The following APEH variants were observed in gnomAD, a reference collection of about 807,000 sequenced individuals.
The protein encoded by APEH is acylamino-acid-releasing enzyme.
Under a neutral mutation model 102.7 loss-of-function variants are expected in APEH, and 75 were observed. The observed-to-expected ratio is 0.73, with a 90% CI of 0.61 to 0.89. The LOEUF is 0.89. Ranked by LOEUF, APEH falls within the 40% of genes least tolerant of loss-of-function variation. APEH has a pLI of 0.00. For missense variants in APEH, 863 were observed against 941.2 expected (o/e 0.92, Z 1.09); for synonymous variants, 344 against 362.7 (o/e 0.95, Z 0.59).
At chr3:49,676,546 A>G in intron 7 of APEH, 31 bp downstream of exon 7, 4 of 1,614,230 alleles carry the variant, frequency 2.5e-6, no homozygotes, top group Non-Finnish European at 3.4e-6. Context: ...TCCCCCCTGG[A>G]GTCTGGGACC....
rs1031705516 is a variant in APEH, at chr3:49,679,730, G to A, written c.1210+86G>A. On this transcript the variant is annotated intron_variant, in intron 13 of 21. Coordinates refer to ENST00000296456, the MANE Select transcript of APEH (RefSeq NM_001640.4). The surrounding 1 kb of genome is among the most constrained non-coding windows in gnomAD (Gnocchi z 4.3). ...CGGGGGACTGGAGCTCCAACATGTGGGGCAGTGATGGCATTCTCAGCCACT... is the reference window on the plus strand; with the variant it reads ...CGGGGGACTGGAGCTCCAACATGTGAGGCAGTGATGGCATTCTCAGCCACT... 6.4e-5 allele frequency: 88 copies of A among 1,366,378 alleles called. No homozygotes were observed. The highest frequency in any genetic ancestry group is 8.7e-5 in the Non-Finnish European group (84 of 961,862). 84.6% of individuals were successfully genotyped at this position (1,366,378 alleles called of 1,614,324 possible). A position where few individuals can be genotyped will look rare whatever the true frequency, so the allele number is the denominator to read the frequency against.
At chr3:49,682,487 G>C in intron 18 of APEH, 51 bp downstream of exon 18, 2 of 1,612,442 alleles carry the variant, frequency 1.2e-6, no homozygotes, top group Non-Finnish European at 1.7e-6. Flanking sequence ...CTGCCAGGGG[G>C]ATGCCTCCAT....
Position 49,682,391 on chromosome 3 carries a change from C to T in APEH, c.1647C>T (p.Leu549=). 1 of 1,613,966 alleles carries T rather than the reference C, an allele frequency of 6.2e-7. No individual in the cohort carries two copies. The highest frequency in any genetic ancestry group is 2.2e-5 in the East Asian group (1 of 44,890). ...GSTGFGQDSI[L]SLPGNVGHQD... ...CGGGCTTTGGCCAGGACAGCATCCT[C>T]TCCCTCCCAGGCAATGTGGGCCACC... The change falls in exon 18 of 22, where the codon CTC becomes CTT. Residue 549 remains leucine, a synonymous_variant. Transcript: ENST00000296456.
chr3:49,678,134 G>A (rs532824704), intron 11 of APEH, among the ~76,000 whole-genome samples: 9 of 152,168 alleles, frequency 5.9e-5, no homozygotes, highest in African/African-American at 9.7e-5. Flanking sequence ...TGGCTGAGAG[G>A]CTCCCGTCTC....
upstream of APEH, among the ~76,000 whole-genome samples, chr3:49,673,700 G>C (rs1450202073): frequency 6.6e-6 from 1 of 152,160 alleles, no homozygotes; most frequent in Non-Finnish European, 1.5e-5. Flanking sequence ...GCACTGTGTA[G>C]TGAATGTCGG....
Position 49,683,053 on chromosome 3 carries a change from T to C in APEH, c.2000T>C (p.Leu667Pro), listed in dbSNP as rs1363457244. ...IRYIPQVKTP[L>P]LLMLGQEDRR... ...CCAAACACCCAGGTGAAGACACCAC[T>C]GTTACTGATGTTGGGCCAGGAGGAC... Residue 667 changes from leucine to proline, a missense_variant, in exon 21 of 22, where the codon CTG becomes CCG. Physicochemically the swap from Leu to Pro is moderately conservative, Grantham distance 98. Coordinates refer to ENST00000296456, the MANE Select transcript of APEH (RefSeq NM_001640.4). 1.2e-6 allele frequency: 2 copies of C among 1,613,990 alleles called. No homozygotes were observed. Among genetic ancestry groups the C allele is most frequent in the Non-Finnish European group, 8.5e-7 (1 of 1,179,998 alleles).
intron 3 of APEH, 75 bp from the exon 4 acceptor site, chr3:49,675,619 A>G: frequency 7.1e-7 from 1 of 1,400,706 alleles, no homozygotes. Flanking sequence ...AATCTCTCCT[A>G]AGAGGTGTGC....
intron 15 of APEH, 75 bp from the exon 16 acceptor site, chr3:49,681,647 C>G: frequency 7.5e-7 from 1 of 1,329,668 alleles, no homozygotes; most frequent in Non-Finnish European, 1.0e-6. Flanking sequence ...CAGCCCCACA[C>G]CTGCAGCTAG....
chr3:49,682,257 C>A, intron 17 of APEH, 91 bp from the exon 18 acceptor site: 1 of 1,317,676 alleles, frequency 7.6e-7, no homozygotes, highest in Non-Finnish European at 1.1e-6. Context: ...TATAGCTGGC[C>A]CCAGGGCCTA....
intron 2 of APEH, 89 bp from the exon 3 acceptor site, chr3:49,675,094 G>A: frequency 6.4e-7 from 1 of 1,551,980 alleles, no homozygotes; most frequent in South Asian, 1.2e-5. Context: ...GGGGAAGATA[G>A]ATCTAGGCCT....
At chr3:49,674,067 C>CA (rs2052894536), upstream of APEH, 1 of 439,172 alleles carries the variant, frequency 2.3e-6, no homozygotes, top group Non-Finnish European at 4.1e-6. Context: ...TCCGCTTCCA[C>CA]AGGGCCGCCC....
chr3:49,681,144 T>C lies in APEH; in HGVS notation c.1343T>C (p.Leu448Ser). 1 of 1,609,814 alleles carries C rather than the reference T, an allele frequency of 6.2e-7. No individual in the cohort carries two copies. Among genetic ancestry groups the C allele is most frequent in the Non-Finnish European group, 8.5e-7 (1 of 1,177,816 alleles). ...TCTGCAGGGAAGGAGCAGTCAGTGT[T>C]GTGGGTGTCCCTGGAGGAGGCCGAG... ...LPSAGKEQSV[L>S]WVSLEEAEPI... is the part of the protein sequence containing the mutation. Residue 448 changes from leucine to serine, a missense_variant, in exon 15 of 22, where the codon TTG (leucine) becomes TCG (serine). Coordinates refer to ENST00000296456, the MANE Select transcript of APEH (RefSeq NM_001640.4).
upstream of APEH, among the ~76,000 whole-genome samples, chr3:49,673,792 AACCCTC>A (rs1559626240): frequency 9.6e-6 from 1 of 103,638 alleles, no homozygotes; most frequent in Non-Finnish European, 2.0e-5. Context: ...CGCCCCGCCC[AACCCTC>A]ACCCTCACGC....
Position 49,683,931 on chromosome 3 carries a change from G to A in APEH, c.*589G>A. 6.6e-7 allele frequency: 1 copy of A among 1,522,678 alleles called. No homozygotes were observed. Among genetic ancestry groups the A allele is most frequent in the South Asian group, 1.3e-5 (1 of 76,046 alleles). 94.3% of individuals were successfully genotyped at this position (1,522,678 alleles called of 1,614,324 possible). A position where few individuals can be genotyped will look rare whatever the true frequency, so the allele number is the denominator to read the frequency against. On this transcript the variant is annotated 3_prime_UTR_variant, in exon 22 of 22. Transcript: ENST00000296456. Reference sequence around the variant, plus strand: ...CACTGACACATTTCCTGGAAGCAAAGGCTAAGAAGCATCTGTACAGGCATA... The same window carrying A: ...CACTGACACATTTCCTGGAAGCAAAAGCTAAGAAGCATCTGTACAGGCATA...
chr3:49,683,541 C>T lies in APEH; in HGVS notation c.*199C>T. ...CTGGTACTTTGTACCAAACCATCCC[C>T]AACCCCACCTCCCACTCTGGGGTGC... On this transcript the variant is annotated 3_prime_UTR_variant, in exon 22 of 22. Transcript: ENST00000296456. 1 of 575,484 alleles carries T rather than the reference C, an allele frequency of 1.7e-6. No individual in the cohort carries two copies. The highest frequency in any genetic ancestry group is 3.1e-6 in the Non-Finnish European group (1 of 323,388). The allele number at this position is 575,484 out of a possible 1,614,324, so 35.6% of individuals were successfully genotyped here. A position where few individuals can be genotyped will look rare whatever the true frequency, so the allele number is the denominator to read the frequency against.
intron 13 of APEH, chr3:49,680,182 T>C (rs2053254392): frequency 3.1e-6 from 1 of 325,810 alleles, no homozygotes. Flanking sequence ...TACATCTCAT[T>C]GTACAACTGC....
chr3:49,679,732 G>T lies in APEH; in HGVS notation c.1210+88G>T. The T allele has an allele frequency of 7.4e-7, 1 of 1,350,110 alleles. No homozygotes were observed. Among genetic ancestry groups the T allele is most frequent in the East Asian group, 2.3e-5 (1 of 42,598 alleles). 83.6% of individuals were successfully genotyped at this position (1,350,110 alleles called of 1,614,324 possible). ...GGGGACTGGAGCTCCAACATGTGGGGCAGTGATGGCATTCTCAGCCACTCA... is the reference window on the plus strand; with the variant it reads ...GGGGACTGGAGCTCCAACATGTGGGTCAGTGATGGCATTCTCAGCCACTCA... On this transcript the variant is annotated intron_variant, in intron 13 of 21. Transcript: ENST00000296456. This position sits in a 1 kb window ranked among gnomAD's most constrained non-coding sequence, Gnocchi z 4.3.
Position 49,676,373 on chromosome 3 carries a change from C to T in APEH, c.607-5C>T. On this transcript the variant is annotated splice_region_variant and splice_polypyrimidine_tract_variant and intron_variant, in intron 6 of 21. Transcript: ENST00000296456. ...GGCTGGGCATTGAGTATCTTGTGTT[C>T]TCAGGGGGATCAGTTTGTGTTTTAT... 6.2e-7 allele frequency: 1 copy of T among 1,614,146 alleles called. No individual in the cohort carries two copies. Among genetic ancestry groups the T allele is most frequent in the Non-Finnish European group, 8.5e-7 (1 of 1,180,028 alleles).
At chr3:49,675,647 G>A (rs779022274) in intron 3 of APEH, 47 bp from the exon 4 acceptor site, 17 of 1,531,066 alleles carry the variant, frequency 1.1e-5, no homozygotes, top group Non-Finnish European at 1.4e-5. Flanking sequence ...GGAGCAGGAA[G>A]GGGTTATTGC....
Sources: gnomAD v4.1 joint callset for allele counts (sites outside exome capture counted in the v4.1 genomes callset) on GRCh38, gnomAD v4.1.1 for gene constraint, Gnocchi (gnomAD v3.1) non-coding constraint, MANE v1.5 for transcripts, NCBI Gene and HGNC (gene_info 2026-07-23, HGNC 2026-07-21) for gene names.